The following COL23A1 variants were observed in gnomAD, a reference collection of about 807,000 sequenced individuals.
COL23A1 encodes the protein collagen type XXIII alpha 1 chain, also known as collagen alpha-1(XXIII) chain.
Under a neutral mutation model 99.3 loss-of-function variants are expected in COL23A1, and 97 were observed. The observed-to-expected ratio is 0.98, with a 90% CI of 0.83 to 1.16. The LOEUF (loss-of-function observed/expected upper bound fraction) is 1.16, where lower values mean the gene tolerates loss of function less well. COL23A1 is among the 50% of genes most tolerant of loss of function. The pLI is 0.00. For missense variants in COL23A1, 762 were observed against 757.4 expected (o/e 1.01, Z -0.07); for synonymous variants, 320 against 308.2 (o/e 1.04, Z -0.40).
chr5:178,332,782 C>A (rs1193224508), intron 2 of COL23A1, among the ~76,000 whole-genome samples: 1 of 151,950 alleles, frequency 6.6e-6, no homozygotes, highest in Non-Finnish European at 1.5e-5. Context: ...CAGAGGGACA[C>A]CAGGAGTAGG....
intron 6 of COL23A1, among the ~76,000 whole-genome samples, chr5:178,269,976 G>A (rs747725945): frequency 3.2e-4 from 49 of 152,232 alleles, no homozygotes; most frequent in Admixed American, 2.6e-3. Context: ...TCTTGAGAAC[G>A]TAGTGAGGAC....
At chr5:178,486,641 C>G (rs1757647213) in intron 2 of COL23A1, among the ~76,000 whole-genome samples, 1 of 152,114 alleles carries the variant, frequency 6.6e-6, no homozygotes, top group African/African-American at 2.4e-5. Context: ...GGACCACAAA[C>G]ATGAAGCCCA....
intron 2 of COL23A1, among the ~76,000 whole-genome samples, chr5:178,401,071 T>C (rs1009421146): frequency 6.6e-6 from 1 of 152,264 alleles, no homozygotes; most frequent in Admixed American, 6.5e-5. Context: ...TTATTCTAGG[T>C]ACCTCACATC....
chr5:178,311,192 C>A (rs10447307), intron 2 of COL23A1, among the ~76,000 whole-genome samples: 1 of 151,898 alleles, frequency 6.6e-6, no homozygotes, highest in African/African-American at 2.4e-5. Context: ...GAGGCTGGGG[C>A]GAGGGGTATG....
In COL23A1 at chr5:178,559,142, C is replaced by CT. The variant is rs536401096; in HGVS notation, c.361+1539dup. 1.9e-3 allele frequency among the ~76,000 whole-genome samples: 283 copies of CT among 152,316 alleles called. 1 individual carries two copies. Among genetic ancestry groups the CT allele is most frequent in the African/African-American group, 6.4e-3 (266 of 41,570 alleles). ...TGGAGTCATTCCCTTGTCAAATCCTCTTTCTCGTATTAAAATCTCAGAGGT... is the reference window on the plus strand; with the variant it reads ...TGGAGTCATTCCCTTGTCAAATCCTCTTTTCTCGTATTAAAATCTCAGAGGT... On this transcript the variant is annotated intron_variant, in intron 2 of 28. Transcript: ENST00000390654.
chr5:178,336,609 T>A (rs1760333648), intron 2 of COL23A1, among the ~76,000 whole-genome samples: 1 of 151,710 alleles, frequency 6.6e-6, no homozygotes, highest in Admixed American at 6.6e-5. Context: ...AGGGGAGGAG[T>A]ATCCTTTTGG....
Position 178,288,360 on chromosome 5 carries a change from TTAATA to T in COL23A1, c.415-15_415-11del. 1.2e-6 allele frequency: 2 copies of T among 1,610,906 alleles called. No individual in the cohort carries two copies. Among genetic ancestry groups the T allele is most frequent in the Non-Finnish European group, 1.7e-6 (2 of 1,176,984 alleles). On this transcript the variant is annotated splice_polypyrimidine_tract_variant and intron_variant, in intron 4 of 28. Transcript: ENST00000390654. ...CTCGTCCTGATTGCCCCTGTGGTAA[TTAATA>T]TGTCATTAATAATCAGAGTTTCGGC...
At chr5:178,466,982 T>G (rs553133278) in intron 2 of COL23A1, among the ~76,000 whole-genome samples, 1 of 152,372 alleles carries the variant, frequency 6.6e-6, no homozygotes, top group Admixed American at 6.5e-5. Flanking sequence ...TAATAGTCCC[T>G]GTGTTGTTGA....
In COL23A1 at chr5:178,308,807, G is replaced by C. The variant is rs527684591; in HGVS notation, c.362-1888C>G. On this transcript the variant is annotated intron_variant, in intron 2 of 28. Transcript: ENST00000390654. This position sits in a 1 kb window ranked among gnomAD's most constrained non-coding sequence, Gnocchi z 5.1. Reference sequence around the variant, plus strand: ...TGGTTATTAACTAAGCCCCAGGTTTGGGGGGCAGGTCAGCACTCTCGGGGG... The same window carrying C: ...TGGTTATTAACTAAGCCCCAGGTTTCGGGGGCAGGTCAGCACTCTCGGGGG... Among the ~76,000 whole-genome samples the C allele has an allele frequency of 7.3e-6, 1 of 137,296 alleles. No individual in the cohort carries two copies. The highest frequency in any genetic ancestry group is 2.8e-5 in the African/African-American group (1 of 36,324). The allele number at this position is 137,296 out of a possible 152,430, so 90.1% of individuals were successfully genotyped here. A position where few individuals can be genotyped will look rare whatever the true frequency, so the allele number is the denominator to read the frequency against.
intron 2 of COL23A1, among the ~76,000 whole-genome samples, chr5:178,324,648 ACAC>A (rs1759539866): frequency 6.6e-6 from 1 of 152,156 alleles, no homozygotes; most frequent in South Asian, 2.1e-4. Context: ...GAGGCCACAC[ACAC>A]CACAAGGCTG....
At chr5:178,294,146 G>A (rs1161441675) in intron 3 of COL23A1, among the ~76,000 whole-genome samples, 1 of 152,040 alleles carries the variant, frequency 6.6e-6, no homozygotes, top group Non-Finnish European at 1.5e-5. Flanking sequence ...ATCTGATCCT[G>A]ACACTTCCCT....
intron 3 of COL23A1, among the ~76,000 whole-genome samples, chr5:178,305,434 G>C (rs957439695): frequency 3.3e-5 from 5 of 152,192 alleles, no homozygotes; most frequent in African/African-American, 1.2e-4. Context: ...CCTCTTGGTG[G>C]TGAGCCAGCC....
At chr5:178,545,623 G>T (rs1761538417) in intron 2 of COL23A1, among the ~76,000 whole-genome samples, 3 of 152,118 alleles carry the variant, frequency 2.0e-5, no homozygotes, top group African/African-American at 7.2e-5. Flanking sequence ...GCCAGGAGTT[G>T]CTTTCTCTCC....
chr5:178,473,461 A>ATTTTTTTTTTTTTTTTTT (rs58255875), intron 2 of COL23A1, among the ~76,000 whole-genome samples: 2 of 95,088 alleles, frequency 2.1e-5, no homozygotes, highest in Non-Finnish European at 2.1e-5. Flanking sequence ...CATCCGGCTA[A>ATTTTTTTTTTTTTTTTTT]TTTTTTTTTT....
At chr5:178,441,619 A>C (rs1322606436) in intron 2 of COL23A1, among the ~76,000 whole-genome samples, 1 of 152,132 alleles carries the variant, frequency 6.6e-6, no homozygotes, top group East Asian at 1.9e-4. Flanking sequence ...GGTTCTTAAG[A>C]TCCCATTTCA....
At chr5:178,417,159 T>G (rs1765356360) in intron 2 of COL23A1, among the ~76,000 whole-genome samples, 1 of 152,228 alleles carries the variant, frequency 6.6e-6, no homozygotes, top group Non-Finnish European at 1.5e-5. Flanking sequence ...ACTGGAATGC[T>G]GGGCGAGGCG....
intron 2 of COL23A1, among the ~76,000 whole-genome samples, chr5:178,433,747 T>C (rs1463170028): frequency 6.6e-6 from 1 of 152,230 alleles, no homozygotes; most frequent in Non-Finnish European, 1.5e-5. Flanking sequence ...TCTCATTCAT[T>C]TAACCCTCTG....
intron 2 of COL23A1, among the ~76,000 whole-genome samples, chr5:178,360,022 C>T (rs1360466201): frequency 2.0e-5 from 3 of 152,142 alleles, no homozygotes; most frequent in African/African-American, 4.8e-5. Flanking sequence ...GACAAGCAGC[C>T]GCTCGCATCA....
At chr5:178,422,416 A>G (rs1013621587) in intron 2 of COL23A1, among the ~76,000 whole-genome samples, 1 of 152,204 alleles carries the variant, frequency 6.6e-6, no homozygotes, top group Non-Finnish European at 1.5e-5. Flanking sequence ...TGAGCAACTG[A>G]GAGCAAAAAC....
Sources: allele counts gnomAD v4.1 joint callset (sites outside exome capture counted in the v4.1 genomes callset), GRCh38; gene constraint gnomAD v4.1.1; non-coding constraint Gnocchi (gnomAD v3.1); transcripts MANE v1.5; gene names NCBI Gene and HGNC (gene_info 2026-07-23, HGNC 2026-07-21).